Variants in SKOR2 observed in about 807,000 individuals in gnomAD.
SKOR2 encodes the protein SKI family transcriptional corepressor 2, also known as LBX1 corepressor 1-like protein.
A neutral mutation model predicts 69.1 loss-of-function variants in SKOR2; 47 were observed. The ratio of observed to expected loss-of-function variants is 0.68; its 90% CI spans 0.54 to 0.87. The LOEUF is 0.87. Ranked by LOEUF, SKOR2 falls within the 40% of genes least tolerant of loss-of-function variation. The pLI is 0.00. For missense variants in SKOR2, 1,404 were observed against 1,472.2 expected (o/e 0.95, Z 0.76); for synonymous variants, 717 against 672.6 (o/e 1.07, Z -1.02).
intron 1 of SKOR2, among the ~76,000 whole-genome samples, chr18:47,250,155 C>A (rs2064306307): frequency 6.6e-6 from 1 of 152,176 alleles, no homozygotes; most frequent in Admixed American, 6.5e-5. Flanking sequence ...ATGTGAACCA[C>A]CTTCTGTGAC....
intron 4 of SKOR2, among the ~76,000 whole-genome samples, chr18:47,236,413 G>A (rs750361287): frequency 4.6e-4 from 70 of 152,104 alleles, no homozygotes; most frequent in Non-Finnish European, 8.4e-4. Flanking sequence ...AAATCAGAAT[G>A]CCATCCAAGT....
At chr18:47,208,834 A>G (rs377543623) in intron 8 of SKOR2, among the ~76,000 whole-genome samples, 21 of 152,294 alleles carry the variant, frequency 1.4e-4, no homozygotes, top group African/African-American at 5.1e-4. Context: ...GAGCGGTACA[A>G]TGTCTAATCT....
At chr18:47,219,366 A>G (rs2064153960) in intron 7 of SKOR2, among the ~76,000 whole-genome samples, 1 of 151,240 alleles carries the variant, frequency 6.6e-6, no homozygotes, top group Non-Finnish European at 1.5e-5. Context: ...CCCAAAACAA[A>G]ACCACTACAT....
In SKOR2 at chr18:47,206,427, C is replaced by T. The variant is rs868347884; in HGVS notation, c.*469G>A. On this transcript the variant is annotated 3_prime_UTR_variant, in exon 9 of 9. Transcript: ENST00000425639. Reference sequence around the variant, plus strand: ...GCTGGTGCCTTCCCATCCATTGAAACGCTATCCCCACTCCTAGGATGGGTC... The same window carrying T: ...GCTGGTGCCTTCCCATCCATTGAAATGCTATCCCCACTCCTAGGATGGGTC... 4.6e-5 allele frequency: 7 copies of T among 152,110 alleles called. No homozygotes were observed. The highest frequency in any genetic ancestry group is 7.2e-5 in the African/African-American group (3 of 41,424). 9.4% of individuals were successfully genotyped at this position (152,110 alleles called of 1,614,324 possible). A position where few individuals can be genotyped will look rare whatever the true frequency, so the allele number is the denominator to read the frequency against.
In SKOR2 at chr18:47,248,252, A is replaced by C; in HGVS notation, c.932T>G (p.Phe311Cys). ...CTGCAAGGAGTCGTCGTCGTCGTCG[A>C]AGCGCGGCCGCTTGTGATGGGCGTG... Reference protein sequence around the residue: ...APHAHHKRPRFDDDDDSLQEA... With the variant: ...APHAHHKRPRCDDDDDSLQEA... The change falls in exon 2 of 9, where the codon TTC becomes TGC. Residue 311 changes from phenylalanine (F) to cysteine (C), a missense_variant. Physicochemically the swap from Phe to Cys is radical, Grantham distance 205 (BLOSUM62 -2). This residue lies in a region of SKOR2 where 1,266 missense variants were observed against 1,309.9 expected (regional missense o/e 0.97). Coordinates refer to ENST00000425639, the MANE Select transcript of SKOR2 (RefSeq NM_001278063.4). This position sits in a 1 kb window ranked among gnomAD's most constrained non-coding sequence, Gnocchi z 6.4. 8.2e-7 allele frequency: 1 copy of C among 1,221,776 alleles called. No homozygotes were observed. Among genetic ancestry groups the C allele is most frequent in the Non-Finnish European group, 1.0e-6 (1 of 983,320 alleles). The allele number at this position is 1,221,776 out of a possible 1,614,324, so 75.7% of individuals were successfully genotyped here.
chr18:47,216,318 T>A (rs981806249), intron 7 of SKOR2, among the ~76,000 whole-genome samples: 39 of 152,312 alleles, frequency 2.6e-4, no homozygotes, highest in African/African-American at 9.4e-4. Context: ...CTATAAGCAC[T>A]TAAAAACCCA....
At chr18:47,245,152 GT>G in intron 3 of SKOR2, among the ~76,000 whole-genome samples, 170 bp from the exon 4 acceptor site, 1 of 152,144 alleles carries the variant, frequency 6.6e-6, no homozygotes, top group South Asian at 2.1e-4. Context: ...CTCCAAAAAT[GT>G]GGCAACTATT....
chr18:47,229,744 GA>G (rs1446181877), intron 6 of SKOR2, among the ~76,000 whole-genome samples: 1 of 152,160 alleles, frequency 6.6e-6, no homozygotes, highest in Non-Finnish European at 1.5e-5. Flanking sequence ...CGGAAAGCTT[GA>G]AAAACACTAC....
At position 47,249,029 on chromosome 18, in the gene SKOR2, A is replaced by G. The variant is rs1313403546; in HGVS notation, c.155T>C (p.Val52Ala). The G allele has an allele frequency of 6.5e-7, 1 of 1,541,436 alleles. No homozygotes were observed. The highest frequency in any genetic ancestry group is 1.9e-5 in the Admixed American group (1 of 51,368). Residue 52 changes from valine (V) to alanine (A), a missense_variant, in exon 2 of 9, where the codon GTG (valine) becomes GCG (alanine). By Grantham distance (64) the Val-to-Ala change is moderately conservative. Coordinates refer to ENST00000425639, the MANE Select transcript of SKOR2 (RefSeq NM_001278063.4). ...GQVILYGIPIVSLVIDGQERL... is the reference protein window; with the variant it reads ...GQVILYGIPIASLVIDGQERL... ...CTCTTGCCCGTCGATCACCAACGAC[A>G]CGATGGGAATGCCGTAGAGGATCAC...
At chr18:47,233,304 A>C (rs553389823) in intron 4 of SKOR2, among the ~76,000 whole-genome samples, 1 of 152,340 alleles carries the variant, frequency 6.6e-6, no homozygotes, top group African/African-American at 2.4e-5. Context: ...CCATATAAAA[A>C]GAAAATAGAG....
chr18:47,217,480 T>C (rs537087101), intron 7 of SKOR2, among the ~76,000 whole-genome samples: 1 of 152,310 alleles, frequency 6.6e-6, no homozygotes, highest in South Asian at 2.1e-4. Flanking sequence ...TTTGCTAGTA[T>C]TCCTTCCTTT....
At position 47,247,468 on chromosome 18, in the gene SKOR2, G is replaced by A; in HGVS notation, c.1716C>T (p.Gly572=). Residue 572 remains glycine (G), a synonymous_variant, in exon 2 of 9, where the codon GGC becomes GGT. Coordinates refer to ENST00000425639, the MANE Select transcript of SKOR2 (RefSeq NM_001278063.4). This position sits in a 1 kb window ranked among gnomAD's most constrained non-coding sequence, Gnocchi z 6.6. ...CCACAGAGTCCGCGGGCGGCGTGGA[G>A]CCCGCGCTGCAGTCCCCGCCGCTGC... ...PGGSGGDCSA[G]STPPADSVAA... is the part of the protein sequence containing the mutation. 1 of 1,226,092 alleles carries A rather than the reference G, an allele frequency of 8.2e-7. No individual in the cohort carries two copies. 76.0% of individuals were successfully genotyped at this position (1,226,092 alleles called of 1,614,324 possible).
intron 6 of SKOR2, among the ~76,000 whole-genome samples, chr18:47,223,342 C>T (rs1007226560): frequency 7.2e-5 from 11 of 152,096 alleles, no homozygotes; most frequent in African/African-American, 2.7e-4. Flanking sequence ...CCAAAATTTC[C>T]TCTTAAGTTG....
At position 47,245,024 on chromosome 18, in the gene SKOR2, T is replaced by C. The variant is rs1436591069; in HGVS notation, c.2678-42A>G. 8.0e-6 allele frequency: 12 copies of C among 1,496,818 alleles called. No individual in the cohort carries two copies. The Admixed American group carries it at 2.2e-4, about 27-fold the overall frequency. The allele number at this position is 1,496,818 out of a possible 1,614,324, so 92.7% of individuals were successfully genotyped here. A position where few individuals can be genotyped will look rare whatever the true frequency, so the allele number is the denominator to read the frequency against. Reference sequence around the variant, plus strand: ...ACACAAAATCTGCAAGTGATCCAACTGACAAGAGGCACACAAAGATCCAAT... The same window carrying C: ...ACACAAAATCTGCAAGTGATCCAACCGACAAGAGGCACACAAAGATCCAAT... On this transcript the variant is annotated intron_variant, in intron 3 of 8. Transcript: ENST00000425639.
intron 7 of SKOR2, among the ~76,000 whole-genome samples, chr18:47,212,867 G>C (rs1187835869): frequency 2.0e-5 from 3 of 152,106 alleles, no homozygotes; most frequent in Non-Finnish European, 4.4e-5. Flanking sequence ...GGGAGGCTGA[G>C]GTGGGAAGAA....
At position 47,247,565 on chromosome 18, in the gene SKOR2, G is replaced by C. The variant is rs2064285892; in HGVS notation, c.1619C>G (p.Pro540Arg). 25 of 1,239,004 alleles carry C rather than the reference G, an allele frequency of 2.0e-5. No homozygotes were observed. The highest frequency in any genetic ancestry group is 6.7e-5 in the South Asian group (2 of 29,870). 76.8% of individuals were successfully genotyped at this position (1,239,004 alleles called of 1,614,324 possible). Residue 540 changes from proline to arginine, a missense_variant, in exon 2 of 9, where the codon CCG (proline) becomes CGG (arginine). Physicochemically the swap from Pro to Arg is moderately radical, Grantham distance 103. Around this residue, in one of 3 missense-constraint regions of SKOR2, gnomAD observed 1,266 missense variants for 1,309.9 expected, o/e 0.97. Coordinates refer to ENST00000425639, the MANE Select transcript of SKOR2 (RefSeq NM_001278063.4). This position sits in a 1 kb window ranked among gnomAD's most constrained non-coding sequence, Gnocchi z 6.6. ...GGCAGGAGGAGGTGGGCCGGAGCCC[G>C]GGCCGTTGGCCACTACCTGCGGGGG... ...GQPPQVVANG[P>R]GSGPPPPAGG...
intron 6 of SKOR2, 30 bp from the exon 7 acceptor site, chr18:47,220,040 A>C: frequency 6.6e-7 from 1 of 1,511,740 alleles, no homozygotes; most frequent in South Asian, 1.2e-5. Context: ...GAGAAAGATT[A>C]ACTAAAGTGT....
chr18:47,216,390 C>A (rs1257456380), intron 7 of SKOR2, among the ~76,000 whole-genome samples: 1 of 152,068 alleles, frequency 6.6e-6, no homozygotes, highest in African/African-American at 2.4e-5. Context: ...AAATTTTGAG[C>A]TATTTTTTAA....
chr18:47,236,405 A>C (rs767301621), intron 4 of SKOR2, among the ~76,000 whole-genome samples: 1 of 152,186 alleles, frequency 6.6e-6, no homozygotes, highest in Non-Finnish European at 1.5e-5. Flanking sequence ...TGCAACCAAA[A>C]TCAGAATGCC....
Sources: gnomAD v4.1 joint callset for allele counts (sites outside exome capture counted in the v4.1 genomes callset) on GRCh38, gnomAD v4.1.1 for gene constraint, gnomAD v4.1.1 regional missense constraint, Gnocchi (gnomAD v3.1) non-coding constraint, MANE v1.5 for transcripts, NCBI Gene and HGNC (gene_info 2026-07-23, HGNC 2026-07-21) for gene names.